The following MALRD1 variants were observed in gnomAD, a reference collection of about 807,000 sequenced individuals.
The protein encoded by MALRD1 is MAM and LDL-receptor class A domain-containing protein 1.
A neutral mutation model predicts 242.1 loss-of-function variants in MALRD1; 247 were observed. The observed-to-expected ratio is 1.02, with a 90% CI of 0.92 to 1.13. The LOEUF (loss-of-function observed/expected upper bound fraction) is 1.13. MALRD1 is among the 50% of genes most tolerant of loss of function. The pLI is 0.00. For synonymous variants in MALRD1, 995 were observed against 866.6 expected (o/e 1.15, Z -2.60); for missense variants, 2,989 against 2,533.1 (o/e 1.18, Z -3.86).
intron 28 of MALRD1, among the ~76,000 whole-genome samples, chr10:19,391,776 T>G (rs1267442849): frequency 6.6e-6 from 1 of 152,232 alleles, no homozygotes; most frequent in Non-Finnish European, 1.5e-5. Context: ...TTAGAAATTA[T>G]TCTAGTTCAA....
intron 1 of MALRD1, 56 bp from the exon 2 acceptor site, chr10:19,066,662 TA>T (rs1834989554): frequency 8.3e-7 from 1 of 1,197,668 alleles, no homozygotes. Context: ...GCTATTGTCT[TA>T]TTTTTTAAAA....
intron 18 of MALRD1, among the ~76,000 whole-genome samples, chr10:19,228,065 C>G (rs1292913782): frequency 6.6e-6 from 1 of 152,118 alleles, no homozygotes; most frequent in Non-Finnish European, 1.5e-5. Context: ...TAATGTTAAA[C>G]TTAGTACTGA....
chr10:19,344,838 C>T (rs929289575), intron 24 of MALRD1, among the ~76,000 whole-genome samples: 2 of 151,858 alleles, frequency 1.3e-5, no homozygotes, highest in Admixed American at 6.6e-5. Flanking sequence ...TTTCAGCCTA[C>T]AAATTTTGTA....
At chr10:19,371,397 T>C (rs1214011646) in intron 26 of MALRD1, among the ~76,000 whole-genome samples, 1 of 152,236 alleles carries the variant, frequency 6.6e-6, no homozygotes, top group African/African-American at 2.4e-5. Context: ...ATTCTCAATA[T>C]CCTAAGAGAT....
At chr10:19,383,272 TC>T (rs955093345) in intron 26 of MALRD1, among the ~76,000 whole-genome samples, 2 of 152,028 alleles carry the variant, frequency 1.3e-5, no homozygotes, top group Admixed American at 6.6e-5. Context: ...CCTCAAAGTT[TC>T]ACTCCCATTG....
In MALRD1 at chr10:19,415,666, G is replaced by T. The variant is rs577391337; in HGVS notation, c.4845+26057G>T. On this transcript the variant is annotated intron_variant, in intron 28 of 39. Coordinates refer to ENST00000454679, the MANE Select transcript of MALRD1 (RefSeq NM_001142308.3). ...TGTGCTCTTTTAAGAAATGGGTCTA[G>T]AGAATAGATGATTTCTATAGACTTC... Among the ~76,000 whole-genome samples the T allele has an allele frequency of 9.9e-5, 15 of 152,246 alleles. No homozygotes were observed. In the East Asian group the frequency reaches 2.9e-3, roughly 29 times the overall value.
chr10:19,073,000 C>G (rs1398945816), intron 2 of MALRD1, among the ~76,000 whole-genome samples: 1 of 151,864 alleles, frequency 6.6e-6, no homozygotes, highest in Non-Finnish European at 1.5e-5. Flanking sequence ...CTGCAACCTC[C>G]CCCTCCTGGA....
At chr10:19,156,461 C>A (rs1437334990) in intron 12 of MALRD1, among the ~76,000 whole-genome samples, 8 of 100,414 alleles carry the variant, frequency 8.0e-5, no homozygotes, top group African/African-American at 3.0e-4. Context: ...AGATATAGAG[C>A]GTTTTTTTTT....
intron 9 of MALRD1, among the ~76,000 whole-genome samples, chr10:19,134,702 T>A (rs931461971): frequency 5.9e-5 from 9 of 152,238 alleles, no homozygotes; most frequent in African/African-American, 1.9e-4. Context: ...GGCTGATATC[T>A]GTTTTTATAA....
At chr10:19,618,845 C>A (rs1425570656) in intron 36 of MALRD1, among the ~76,000 whole-genome samples, 3 of 152,038 alleles carry the variant, frequency 2.0e-5, no homozygotes, top group Non-Finnish European at 1.5e-5. Flanking sequence ...ACTGCCCATG[C>A]CTGTCACTCT....
intron 26 of MALRD1, among the ~76,000 whole-genome samples, chr10:19,364,684 G>A (rs1229195069): frequency 6.6e-6 from 1 of 152,018 alleles, no homozygotes; most frequent in African/African-American, 2.4e-5. Flanking sequence ...ATTTCTCTTG[G>A]AAGAAAAATA....
rs543013743 is a variant in MALRD1 at position 19,377,682 on chromosome 10, A to G, written c.4442-9846A>G. On this transcript the variant is annotated intron_variant, in intron 26 of 39. Transcript: ENST00000454679. ...ATACAAATCCTATAACCATTAATGA[A>G]TTAAGAACAAATTTGTTACAATGAA... Among the ~76,000 whole-genome samples the G allele has an allele frequency of 2.6e-5, 4 of 152,232 alleles. No homozygotes were observed. The South Asian group carries it at 8.3e-4, about 32-fold the overall frequency.
chr10:19,494,710 A>G lies in MALRD1; in HGVS notation c.5158+3065A>G, dbSNP rs1035283952. ...TTGAAGACTGGATTACTGAAAAAAC[A>G]TAGACAAAAATAAAGAAAAAAGAAT... On this transcript the variant is annotated intron_variant, in intron 30 of 39. Transcript: ENST00000454679. Among the ~76,000 whole-genome samples, 5 of 152,180 alleles carry G rather than the reference A, an allele frequency of 3.3e-5. No individual in the cohort carries two copies. The East Asian group carries it at 5.8e-4, about 18-fold the overall frequency.
intron 36 of MALRD1, among the ~76,000 whole-genome samples, chr10:19,655,016 T>A (rs1383195518): frequency 6.6e-6 from 1 of 152,174 alleles, no homozygotes; most frequent in African/African-American, 2.4e-5. Flanking sequence ...AAACTAAATA[T>A]GCATTTTAGA....
intron 17 of MALRD1, among the ~76,000 whole-genome samples, chr10:19,207,257 CAA>C (rs1836825525): frequency 6.6e-6 from 1 of 152,060 alleles, no homozygotes; most frequent in African/African-American, 2.4e-5. Flanking sequence ...CCCCTTCCTC[CAA>C]AGACTGTCAA....
At chr10:19,152,159 C>A (rs1265223862) in intron 11 of MALRD1, among the ~76,000 whole-genome samples, 1 of 152,114 alleles carries the variant, frequency 6.6e-6, no homozygotes, top group African/African-American at 2.4e-5. Context: ...ATAAACAAAT[C>A]TGATTACCAG....
intron 19 of MALRD1, among the ~76,000 whole-genome samples, chr10:19,277,983 AC>A (rs1365876529): frequency 6.6e-6 from 1 of 152,164 alleles, no homozygotes; most frequent in African/African-American, 2.4e-5. Context: ...TTCATGCTTC[AC>A]ACTGATGCCA....
intron 13 of MALRD1, among the ~76,000 whole-genome samples, chr10:19,172,153 A>G (rs1835039287): frequency 6.9e-6 from 1 of 145,856 alleles, no homozygotes; most frequent in African/African-American, 2.5e-5. Context: ...ACATATATAC[A>G]TATATACACA....
chr10:19,394,705 A>G (rs1220564529), intron 28 of MALRD1, among the ~76,000 whole-genome samples: 1 of 152,140 alleles, frequency 6.6e-6, no homozygotes, highest in Non-Finnish European at 1.5e-5. Flanking sequence ...CCTTATCCAA[A>G]AATCCAAAAT....
Sources: gnomAD v4.1 joint callset for allele counts (sites outside exome capture counted in the v4.1 genomes callset) on GRCh38, gnomAD v4.1.1 for gene constraint, MANE v1.5 for transcripts, NCBI Gene and HGNC (gene_info 2026-07-23, HGNC 2026-07-21) for gene names.